Variants in SLC24A2 observed in about 807,000 individuals in gnomAD.
SLC24A2 encodes solute carrier family 24 member 2.
In SLC24A2, 36 loss-of-function variants were observed where a neutral mutation model predicts 62.0. That is an observed-to-expected ratio of 0.58 (90% CI 0.44 to 0.77). SLC24A2 has a LOEUF of 0.77. SLC24A2 is among the 30% of genes least tolerant of loss of function. The pLI, the probability that SLC24A2 is intolerant of heterozygous loss-of-function variation, is 0.00. For missense variants in SLC24A2, 846 were observed against 817.9 expected, an observed-to-expected ratio of 1.03 and a Z score of -0.42; for synonymous variants, 358 against 294.0, an observed-to-expected ratio of 1.22 and a Z score of -2.23.
chr9:20,235,127 T>C, the SLC24A2 span, among the ~76,000 whole-genome samples: 1 of 152,320 alleles, frequency 6.6e-6, no homozygotes, highest in South Asian at 2.1e-4. Flanking sequence ...GAGGTGTCAG[T>C]CCGCCCCTAC....
rs949775797 is a variant in SLC24A2 at position 19,514,238 on chromosome 9, T to A, written c.*1915A>T. On this transcript the variant is annotated 3_prime_UTR_variant, in exon 11 of 11. Coordinates refer to ENST00000341998, the MANE Select transcript of SLC24A2 (RefSeq NM_020344.4). ...TCTGGGGCTGTCAGGTTACCTTTCC[T>A]CTTATTCTGCTGTGAGTTCTGCATC... 6.6e-6 allele frequency: 1 copy of A among 152,240 alleles called. No homozygotes were observed. The highest frequency in any genetic ancestry group is 1.5e-5 in the Non-Finnish European group (1 of 68,074). 9.4% of individuals were successfully genotyped at this position (152,240 alleles called of 1,614,324 possible).
At chr9:19,839,498 T>C in the SLC24A2 span, among the ~76,000 whole-genome samples, 1 of 152,170 alleles carries the variant, frequency 6.6e-6, no homozygotes, top group Admixed American at 6.5e-5. Flanking sequence ...TATTTCTCTA[T>C]ATAGAACCAC....
At chr9:20,134,976 C>G in the SLC24A2 span, among the ~76,000 whole-genome samples, 1 of 152,152 alleles carries the variant, frequency 6.6e-6, no homozygotes, top group African/African-American at 2.4e-5. Context: ...TCAGGCACCA[C>G]ATTATGTGAG....
chr9:20,297,690 C>T, the SLC24A2 span, among the ~76,000 whole-genome samples: 3 of 152,204 alleles, frequency 2.0e-5, no homozygotes, highest in Non-Finnish European at 1.5e-5. Flanking sequence ...AGATGCAACA[C>T]GGGTGGATCC....
the SLC24A2 span, among the ~76,000 whole-genome samples, chr9:19,901,202 C>T: frequency 6.6e-6 from 1 of 152,104 alleles, no homozygotes. Context: ...ACTCATGATT[C>T]ACTATGAAAG....
chr9:20,184,139 A>G, the SLC24A2 span, among the ~76,000 whole-genome samples: 107 of 152,362 alleles, frequency 7.0e-4, no homozygotes, highest in Non-Finnish European at 1.2e-3. Flanking sequence ...AAGGAGACAT[A>G]CAAATGGCCA....
intron 2 of SLC24A2, among the ~76,000 whole-genome samples, chr9:19,757,243 G>A (rs1260452973): frequency 6.6e-6 from 1 of 151,836 alleles, no homozygotes; most frequent in East Asian, 1.9e-4. Context: ...CTGAGCATGG[G>A]GATTGTTGTG....
chr9:20,254,720 C>G, the SLC24A2 span, among the ~76,000 whole-genome samples: 8 of 152,126 alleles, frequency 5.3e-5, no homozygotes, highest in Non-Finnish European at 1.0e-4. Context: ...AGATTCCAAG[C>G]AGGTTCCTGG....
chr9:20,080,014 G>A, the SLC24A2 span, among the ~76,000 whole-genome samples: 1 of 152,148 alleles, frequency 6.6e-6, no homozygotes, highest in Non-Finnish European at 1.5e-5. Context: ...ATGCTCATGG[G>A]TAGGAAGAAT....
At chr9:19,656,013 T>C (rs956559904) in intron 2 of SLC24A2, among the ~76,000 whole-genome samples, 1 of 152,198 alleles carries the variant, frequency 6.6e-6, no homozygotes, top group Non-Finnish European at 1.5e-5. Flanking sequence ...CCTAAATCAC[T>C]GTCTCCCGGT....
intron 2 of SLC24A2, among the ~76,000 whole-genome samples, chr9:19,670,764 T>C (rs903690827): frequency 3.9e-5 from 6 of 152,182 alleles, no homozygotes; most frequent in Admixed American, 2.6e-4. Flanking sequence ...GTAAGGATAA[T>C]TGTTCCATGT....
chr9:19,965,058 C>T, the SLC24A2 span, among the ~76,000 whole-genome samples: 1 of 150,000 alleles, frequency 6.7e-6, no homozygotes, highest in East Asian at 2.0e-4. Flanking sequence ...TCGTGTAGAT[C>T]GTGTAAGCCA....
At chr9:19,687,391 G>A (rs1000825582) in intron 2 of SLC24A2, among the ~76,000 whole-genome samples, 1 of 152,100 alleles carries the variant, frequency 6.6e-6, no homozygotes, top group African/African-American at 2.4e-5. Flanking sequence ...TAAAGTTTAT[G>A]AGCCATTATG....
the SLC24A2 span, among the ~76,000 whole-genome samples, chr9:20,185,014 G>T: frequency 1.3e-5 from 2 of 152,110 alleles, no homozygotes. Context: ...AATACTCCAT[G>T]ATCTCACTTA....
At chr9:19,844,798 T>C in the SLC24A2 span, among the ~76,000 whole-genome samples, 6 of 152,200 alleles carry the variant, frequency 3.9e-5, no homozygotes, top group African/African-American at 1.4e-4. Flanking sequence ...CTTATTTTTG[T>C]TGACTTTGTT....
chr9:20,118,480 G>A, the SLC24A2 span, among the ~76,000 whole-genome samples: 17 of 151,976 alleles, frequency 1.1e-4, no homozygotes, highest in Non-Finnish European at 2.5e-4. Flanking sequence ...TAACCAACAA[G>A]TTTTGTTGGA....
At chr9:20,139,192 A>T in the SLC24A2 span, among the ~76,000 whole-genome samples, 1 of 152,184 alleles carries the variant, frequency 6.6e-6, no homozygotes, top group Non-Finnish European at 1.5e-5. Flanking sequence ...TCTACTACCC[A>T]AATGGAAAAG....
the SLC24A2 span, among the ~76,000 whole-genome samples, chr9:20,054,865 T>A: frequency 1.2e-4 from 18 of 152,210 alleles, no homozygotes; most frequent in African/African-American, 4.3e-4. Context: ...CTGATTAATG[T>A]TGCCTCCTCC....
intron 4 of SLC24A2, among the ~76,000 whole-genome samples, chr9:19,608,699 G>A (rs1384745480): frequency 6.6e-6 from 1 of 151,944 alleles, no homozygotes; most frequent in Non-Finnish European, 1.5e-5. Context: ...TACTACAAAA[G>A]TTCCACTTTC....
Sources: gnomAD v4.1 joint callset for allele counts (sites outside exome capture counted in the v4.1 genomes callset) on GRCh38, gnomAD v4.1.1 for gene constraint, MANE v1.5 for transcripts, NCBI Gene and HGNC (gene_info 2026-07-23, HGNC 2026-07-21) for gene names.